Variants in BRCC3 observed in about 807,000 individuals in gnomAD.
BRCC3 encodes BRCA1/BRCA2-containing complex subunit 3.
BRCC3 carries 15 observed loss-of-function variants against 28.0 expected under a neutral mutation model. That is an observed-to-expected ratio of 0.54 (90% CI 0.36 to 0.82). The LOEUF (loss-of-function observed/expected upper bound fraction) is 0.82, where lower values mean the gene tolerates loss of function less well. Ranked by LOEUF, BRCC3 falls within the 40% of genes least tolerant of loss-of-function variation. The pLI, the probability that BRCC3 is intolerant of heterozygous loss-of-function variation, is 0.01. For missense variants in BRCC3, 109 were observed against 225.9 expected (o/e 0.48, Z 3.32); for synonymous variants, 66 against 80.3 (o/e 0.82, Z 0.95).
At chrX:155,091,886 G>C (rs1380900170) in intron 7 of BRCC3, among the ~76,000 whole-genome samples, 1 of 110,480 alleles carries the variant, frequency 9.1e-6, no homozygotes, top group Non-Finnish European at 1.9e-5. Context: ...AGAACAGTAA[G>C]CTATGATTTG....
intron 7 of BRCC3, among the ~76,000 whole-genome samples, chrX:155,097,271 T>A (rs979707719): frequency 5.4e-5 from 6 of 111,567 alleles, no homozygotes; most frequent in Non-Finnish European, 9.4e-5. Flanking sequence ...GGGGCTGATA[T>A]CCAAAATATA....
At chrX:155,117,410 TTCTG>T (rs2074363643) in intron 9 of BRCC3, among the ~76,000 whole-genome samples, 1 of 112,174 alleles carries the variant, frequency 8.9e-6, no homozygotes, top group Non-Finnish European at 1.9e-5. Context: ...CAGCCACACT[TTCTG>T]TCTGAGTAAC....
chrX:155,083,259 T>C (rs1290635841), intron 5 of BRCC3, among the ~76,000 whole-genome samples: 2 of 112,677 alleles, frequency 1.8e-5, no homozygotes, highest in Non-Finnish European at 3.8e-5. Flanking sequence ...TGTTCCATGA[T>C]ATCTCTGATC....
chrX:155,075,265 A>T (rs1569560402), intron 3 of BRCC3, among the ~76,000 whole-genome samples: 2 of 51,744 alleles, frequency 3.9e-5, no homozygotes, highest in Non-Finnish European at 5.8e-5. Context: ...TCCCTTCAAC[A>T]TCTGATAATG....
chrX:155,116,588 T>C (rs1485493679), intron 8 of BRCC3, 123 bp from the exon 9 acceptor site: 1 of 422,055 alleles, frequency 2.4e-6, no homozygotes, highest in African/African-American at 2.5e-5. Flanking sequence ...CATCAAGAAG[T>C]TGATATTGGG....
At chrX:155,117,189 G>GA (rs1257380226) in intron 9 of BRCC3, among the ~76,000 whole-genome samples, 2 of 111,970 alleles carry the variant, frequency 1.8e-5, no homozygotes, top group Non-Finnish European at 3.8e-5. Context: ...GAGCTGGCAT[G>GA]AATTGGTTCC....
In BRCC3 at chrX:155,121,989, T is replaced by C. The variant is rs1161090151; in HGVS notation, c.*785T>C. On this transcript the variant is annotated 3_prime_UTR_variant, in exon 11 of 11. Coordinates refer to ENST00000330045, the MANE Select transcript of BRCC3 (RefSeq NM_001018055.3). ...CAAAAAGTTTTTTTAAAAAATTAAC[T>C]GGGCACCATGACACACACCAGTAGT... 1 of 110,321 alleles carries C rather than the reference T, an allele frequency of 9.1e-6. No individual in the cohort carries two copies. The highest frequency in any genetic ancestry group is 1.9e-5 in the Non-Finnish European group (1 of 52,836). The allele number at this position is 110,321 out of a possible 1,213,427, so 9.1% of individuals were successfully genotyped here.
At chrX:155,072,452 C>G (rs1289087479) in intron 2 of BRCC3, 109 bp downstream of exon 2, 6 of 580,953 alleles carry the variant, frequency 1.0e-5, no homozygotes, top group Non-Finnish European at 1.7e-5. Context: ...AAATTAATTA[C>G]CATTATCACT....
intron 7 of BRCC3, among the ~76,000 whole-genome samples, chrX:155,113,337 G>C (rs1557298358): frequency 9.2e-6 from 1 of 108,776 alleles, no homozygotes; most frequent in African/African-American, 3.4e-5. Context: ...GGTCAGCCCA[G>C]ATTTAAACCC....
intron 3 of BRCC3, 121 bp downstream of exon 3, chrX:155,073,552 C>A: frequency 2.4e-6 from 2 of 838,890 alleles, no homozygotes; most frequent in South Asian, 5.0e-5. Flanking sequence ...CTAGTAAAAT[C>A]AGATGAAGAA....
intron 7 of BRCC3, among the ~76,000 whole-genome samples, chrX:155,102,087 A>C (rs1421198398): frequency 8.9e-6 from 1 of 112,344 alleles, no homozygotes; most frequent in Admixed American, 9.4e-5. Flanking sequence ...TGAGTTATTT[A>C]TAGTTTTTGT....
Position 155,093,896 on chromosome X carries a change from T to G in BRCC3, c.548+3057T>G, listed in dbSNP as rs1557295946. ...GCTTTTTAAAATTTTATCTTCCAAC[T>G]CTTTTATTTTGGCAATTTTATATTT... On this transcript the variant is annotated intron_variant, in intron 7 of 10. Transcript: ENST00000330045. Among the ~76,000 whole-genome samples the G allele has an allele frequency of 6.3e-5, 7 of 110,763 alleles. No individual in the cohort carries two copies. The South Asian group carries it at 2.3e-3, about 36-fold the overall frequency.
Position 155,121,837 on chromosome X carries a change from T to G in BRCC3, c.*633T>G, listed in dbSNP as rs1233225758. On this transcript the variant is annotated 3_prime_UTR_variant, in exon 11 of 11. Coordinates refer to ENST00000330045, the MANE Select transcript of BRCC3 (RefSeq NM_001018055.3). ...GGAATATATAAAGTGTACTAAAAAC[T>G]CAACTGAAGTCAGGCATGGTAGCTC... 8.9e-6 allele frequency: 1 copy of G among 112,279 alleles called. No individual in the cohort carries two copies. 9.3% of individuals were successfully genotyped at this position (112,279 alleles called of 1,213,427 possible). A position where few individuals can be genotyped will look rare whatever the true frequency, so the allele number is the denominator to read the frequency against.
At chrX:155,119,141 A>G (rs1277367936) in intron 9 of BRCC3, among the ~76,000 whole-genome samples, 4 of 112,002 alleles carry the variant, frequency 3.6e-5, no homozygotes, top group Non-Finnish European at 7.5e-5. Flanking sequence ...TAAAAGAAGT[A>G]TAGATTAAGA....
intron 5 of BRCC3, among the ~76,000 whole-genome samples, chrX:155,086,101 G>A (rs1407332869): frequency 9.0e-6 from 1 of 111,366 alleles, no homozygotes; most frequent in Non-Finnish European, 1.9e-5. Flanking sequence ...AACACACCTT[G>A]GAAATCATGA....
intron 7 of BRCC3, chrX:155,099,500 C>T: frequency 9.5e-7 from 1 of 1,048,391 alleles, no homozygotes; most frequent in Non-Finnish European, 1.3e-6. Flanking sequence ...AGAACTCAGT[C>T]AAGTGGCCAT....
At chrX:155,116,287 C>T (rs1310164540) in intron 8 of BRCC3, 99 bp downstream of exon 8, 5 of 810,105 alleles carry the variant, frequency 6.2e-6, no homozygotes, top group Non-Finnish European at 8.5e-6. Flanking sequence ...CTTGAGGCCC[C>T]TTCTTTTTGC....
At chrX:155,081,433 TTTAAGAA>T (rs1278229274) in intron 5 of BRCC3, among the ~76,000 whole-genome samples, 2 of 111,264 alleles carry the variant, frequency 1.8e-5, no homozygotes, top group Non-Finnish European at 3.8e-5. Context: ...CAAACAGCCT[TTTAAGAA>T]GTAGTACCTT....
chrX:155,115,864 C>T (rs1157932934), intron 7 of BRCC3, among the ~76,000 whole-genome samples, 193 bp from the exon 8 acceptor site: 7 of 112,206 alleles, frequency 6.2e-5, no homozygotes, highest in Admixed American at 2.8e-4. Flanking sequence ...GCTCTGCAGA[C>T]GGGCTTTTAG....
Sources: allele counts gnomAD v4.1 joint callset (sites outside exome capture counted in the v4.1 genomes callset), GRCh38; gene constraint gnomAD v4.1.1; transcripts MANE v1.5; gene names NCBI Gene and HGNC (gene_info 2026-07-23, HGNC 2026-07-21).